Variants in PRDM5 observed in about 807,000 individuals in gnomAD.
PRDM5 encodes PR/SET domain 5, also known as PR domain zinc finger protein 5.
Under a neutral mutation model 81.2 loss-of-function variants are expected in PRDM5, and 56 were observed. That is an observed-to-expected ratio of 0.69 (90% CI 0.56 to 0.86). The LOEUF is 0.86. Ranked by LOEUF, PRDM5 falls within the 40% of genes least tolerant of loss-of-function variation. The pLI, the probability that PRDM5 is intolerant of heterozygous loss-of-function variation, is 0.00. For missense variants in PRDM5, 697 were observed against 770.1 expected (o/e 0.91, Z 1.12); for synonymous variants, 267 against 256.4 (o/e 1.04, Z -0.39).
At chr4:120,793,638 T>G (rs1750904793) in intron 10 of PRDM5, among the ~76,000 whole-genome samples, 1 of 152,238 alleles carries the variant, frequency 6.6e-6, no homozygotes, top group East Asian at 1.9e-4. Context: ...TGTATTTAAT[T>G]ATTTTAATTG....
chr4:120,733,855 G>GA (rs1236531624), intron 14 of PRDM5, among the ~76,000 whole-genome samples: 3 of 111,060 alleles, frequency 2.7e-5, no homozygotes, highest in Non-Finnish European at 3.9e-5. Flanking sequence ...TAAGCTCTAA[G>GA]AAAAAAAGAA....
In PRDM5 at chr4:120,785,230, C is replaced by A. The variant is rs368660983; in HGVS notation, c.1189-139G>T. 179 of 687,534 alleles carry A rather than the reference C, an allele frequency of 2.6e-4. 2 individuals carry two copies. The African/African-American group carries it at 2.8e-3, about 11-fold the overall frequency. 42.6% of individuals were successfully genotyped at this position (687,534 alleles called of 1,614,324 possible). A position where few individuals can be genotyped will look rare whatever the true frequency, so the allele number is the denominator to read the frequency against. Reference sequence around the variant, plus strand: ...TCTGTTTCTTCTAGTGCCATTCTTCCACCGTAAAATTGTAAAGACAAATGT... The same window carrying A: ...TCTGTTTCTTCTAGTGCCATTCTTCAACCGTAAAATTGTAAAGACAAATGT... On this transcript the variant is annotated intron_variant, in intron 10 of 15. Coordinates refer to ENST00000264808, the MANE Select transcript of PRDM5 (RefSeq NM_018699.4).
chr4:120,918,014 A>G (rs1026320716), intron 1 of PRDM5, among the ~76,000 whole-genome samples: 2 of 152,188 alleles, frequency 1.3e-5, no homozygotes, highest in Admixed American at 6.5e-5. Context: ...GGACTTCACT[A>G]AAAACTGTGT....
intron 13 of PRDM5, among the ~76,000 whole-genome samples, chr4:120,759,112 G>A (rs1469140165): frequency 6.6e-6 from 1 of 151,980 alleles, no homozygotes; most frequent in East Asian, 1.9e-4. Flanking sequence ...TACACATGTT[G>A]CCCATGAGGT....
At chr4:120,730,772 C>T (rs1314903890) in intron 14 of PRDM5, among the ~76,000 whole-genome samples, 1 of 147,410 alleles carries the variant, frequency 6.8e-6, no homozygotes, top group Non-Finnish European at 1.5e-5. Flanking sequence ...AAGCAACAAT[C>T]AGCTTCAATG....
At chr4:120,882,963 A>T (rs1044097967) in intron 2 of PRDM5, among the ~76,000 whole-genome samples, 1 of 152,232 alleles carries the variant, frequency 6.6e-6, no homozygotes, top group Non-Finnish European at 1.5e-5. Context: ...CAGTTTTTAA[A>T]ATTAAATAAA....
chr4:120,899,074 G>C (rs922631812), intron 2 of PRDM5, among the ~76,000 whole-genome samples: 22 of 152,134 alleles, frequency 1.4e-4, no homozygotes, highest in Non-Finnish European at 2.9e-4. Context: ...CTCCATGAGA[G>C]AAATAGATTG....
At chr4:120,912,468 T>C (rs894260385) in intron 1 of PRDM5, among the ~76,000 whole-genome samples, 23 of 152,282 alleles carry the variant, frequency 1.5e-4, no homozygotes, top group Non-Finnish European at 2.9e-4. Flanking sequence ...ACAACTGACA[T>C]GATCTCTTCA....
At chr4:120,890,213 G>C (rs112416082) in intron 2 of PRDM5, among the ~76,000 whole-genome samples, 1 of 152,124 alleles carries the variant, frequency 6.6e-6, no homozygotes, top group Non-Finnish European at 1.5e-5. Context: ...CATGGCTGAA[G>C]GTGAAAAAGG....
chr4:120,789,215 T>C (rs187248713), intron 10 of PRDM5, among the ~76,000 whole-genome samples: 1 of 152,148 alleles, frequency 6.6e-6, no homozygotes, highest in Non-Finnish European at 1.5e-5. Context: ...TTTGCAGATA[T>C]AAAAAATACA....
chr4:120,823,370 T>C (rs955122152), intron 3 of PRDM5, among the ~76,000 whole-genome samples: 3 of 152,178 alleles, frequency 2.0e-5, no homozygotes, highest in Non-Finnish European at 2.9e-5. Flanking sequence ...AATGGCAGCA[T>C]TCCAGGCTCC....
intron 3 of PRDM5, among the ~76,000 whole-genome samples, chr4:120,827,601 T>C (rs1054645800): frequency 6.6e-6 from 1 of 152,130 alleles, no homozygotes; most frequent in Non-Finnish European, 1.5e-5. Flanking sequence ...CTTAACACTA[T>C]AAGAAAAAAC....
chr4:120,833,598 A>T (rs2149375207), intron 3 of PRDM5, among the ~76,000 whole-genome samples: 1 of 152,292 alleles, frequency 6.6e-6, no homozygotes, highest in South Asian at 2.1e-4. Flanking sequence ...TGAGGAAGGA[A>T]TCTATGCTAG....
chr4:120,768,063 G>T (rs185373081), intron 13 of PRDM5, among the ~76,000 whole-genome samples: 3 of 152,232 alleles, frequency 2.0e-5, no homozygotes, highest in Admixed American at 2.0e-4. Context: ...ATAGCAGGGT[G>T]AGAACAGACT....
chr4:120,821,862 G>A (rs1013073829), intron 3 of PRDM5, among the ~76,000 whole-genome samples: 2 of 151,220 alleles, frequency 1.3e-5, no homozygotes, highest in Non-Finnish European at 2.9e-5. Flanking sequence ...AGACATCTGG[G>A]AAGTTCAAGG....
chr4:120,857,306 C>T (rs1561508389), intron 2 of PRDM5, among the ~76,000 whole-genome samples: 1 of 152,072 alleles, frequency 6.6e-6, no homozygotes, highest in Admixed American at 6.6e-5. Context: ...TGCTGTGAAC[C>T]GAGATCACGC....
intron 14 of PRDM5, among the ~76,000 whole-genome samples, chr4:120,752,741 A>G (rs987557411): frequency 7.9e-5 from 12 of 152,200 alleles, no homozygotes; most frequent in East Asian, 1.9e-4. Context: ...CCTAGGTTCA[A>G]ATCTCAACTC....
chr4:120,753,082 T>C (rs1460711356), intron 14 of PRDM5, among the ~76,000 whole-genome samples: 1 of 152,206 alleles, frequency 6.6e-6, no homozygotes, highest in Non-Finnish European at 1.5e-5. Context: ...TCTTCAGTAA[T>C]CAAGTAAAAC....
chr4:120,907,541 G>T lies in PRDM5; in HGVS notation c.110C>A (p.Pro37His), dbSNP rs1246822547. ...RRVRKGEKFGPFAGEKRMPED... is the reference protein window; with the variant it reads ...RRVRKGEKFGHFAGEKRMPED... ...AGGCATTCTCTTCTCTCCAGCAAAGGGTCCGAACTTTTCACCCTGAGTAGC... is the reference window on the plus strand; with the variant it reads ...AGGCATTCTCTTCTCTCCAGCAAAGTGTCCGAACTTTTCACCCTGAGTAGC... The change falls in exon 2 of 16, where the codon CCC becomes CAC. Residue 37 changes from proline (P) to histidine (H), a missense_variant. Pro to His is a moderately conservative substitution (Grantham distance 77). Transcript: ENST00000264808. 6.2e-7 allele frequency: 1 copy of T among 1,611,582 alleles called. No individual in the cohort carries two copies. The highest frequency in any genetic ancestry group is 8.5e-7 in the Non-Finnish European group (1 of 1,178,022).
Sources: gnomAD v4.1 joint callset for allele counts (sites outside exome capture counted in the v4.1 genomes callset) on GRCh38, gnomAD v4.1.1 for gene constraint, MANE v1.5 for transcripts, NCBI Gene and HGNC (gene_info 2026-07-23, HGNC 2026-07-21) for gene names.